Variants in SLC4A7 observed in about 807,000 individuals in gnomAD.
SLC4A7 encodes sodium bicarbonate cotransporter 3.
A neutral mutation model predicts 137.6 loss-of-function variants in SLC4A7; 51 were observed. The ratio of observed to expected loss-of-function variants is 0.37; its 90% CI spans 0.30 to 0.47. The LOEUF is 0.47. Ranked by LOEUF, SLC4A7 falls within the 20% of genes least tolerant of loss-of-function variation. The pLI, the probability that SLC4A7 is intolerant of heterozygous loss-of-function variation, is 1.00. For synonymous variants in SLC4A7, 542 were observed against 518.6 expected (o/e 1.05, Z -0.61); for missense variants, 1,247 against 1,525.4 (o/e 0.82, Z 3.04).
At chr3:27,469,180 G>T (rs1485330030) in intron 1 of SLC4A7, among the ~76,000 whole-genome samples, 1 of 152,030 alleles carries the variant, frequency 6.6e-6, no homozygotes. Context: ...TTTTTCCTGT[G>T]CTCTCACAAC....
At chr3:27,422,167 C>A (rs2150307481) in intron 8 of SLC4A7, among the ~76,000 whole-genome samples, 1 of 152,196 alleles carries the variant, frequency 6.6e-6, no homozygotes, top group African/African-American at 2.4e-5. Context: ...CTTAGAAAAC[C>A]TTTACATTTT....
chr3:27,465,767 G>A (rs1451359649), intron 1 of SLC4A7, among the ~76,000 whole-genome samples: 1 of 151,620 alleles, frequency 6.6e-6, no homozygotes, highest in Non-Finnish European at 1.5e-5. Context: ...AAACCACCCT[G>A]GCTAACACGG....
chr3:27,473,681 G>A (rs2059347073), intron 1 of SLC4A7, among the ~76,000 whole-genome samples: 1 of 139,408 alleles, frequency 7.2e-6, no homozygotes, highest in Admixed American at 7.9e-5. Flanking sequence ...ACTCCAGCCT[G>A]GGTGACAGAG....
intron 1 of SLC4A7, among the ~76,000 whole-genome samples, chr3:27,458,626 T>C (rs926446049): frequency 6.6e-6 from 1 of 152,166 alleles, no homozygotes; most frequent in Non-Finnish European, 1.5e-5. Flanking sequence ...ATAAGACATA[T>C]GTCAGTCAAT....
chr3:27,437,895 A>G (rs1229495520), intron 3 of SLC4A7, among the ~76,000 whole-genome samples: 1 of 152,216 alleles, frequency 6.6e-6, no homozygotes, highest in Non-Finnish European at 1.5e-5. Flanking sequence ...GTTAGAACAG[A>G]ACATTTAAAA....
At chr3:27,408,286 G>A (rs939551017) in intron 13 of SLC4A7, among the ~76,000 whole-genome samples, 3 of 152,144 alleles carry the variant, frequency 2.0e-5, no homozygotes, top group Non-Finnish European at 2.9e-5. Flanking sequence ...GACAGTCCAC[G>A]GACAAAGAGG....
intron 8 of SLC4A7, among the ~76,000 whole-genome samples, chr3:27,421,983 G>T (rs1447530837): frequency 6.6e-6 from 1 of 152,120 alleles, no homozygotes; most frequent in Non-Finnish European, 1.5e-5. Context: ...TTGAATCAAT[G>T]CTACTGTTTT....
chr3:27,425,946 A>C (rs1288099751), intron 7 of SLC4A7, among the ~76,000 whole-genome samples: 5 of 152,192 alleles, frequency 3.3e-5, no homozygotes, highest in African/African-American at 1.2e-4. Context: ...AGTTCAGTTA[A>C]AATCTGTTTT....
chr3:27,435,314 C>G (rs1237073249), intron 5 of SLC4A7, among the ~76,000 whole-genome samples: 1 of 152,106 alleles, frequency 6.6e-6, no homozygotes, highest in Non-Finnish European at 1.5e-5. Flanking sequence ...CTTTCTACCT[C>G]CACATTATCC....
intron 20 of SLC4A7, among the ~76,000 whole-genome samples, chr3:27,393,917 G>C (rs1416421548): frequency 6.6e-6 from 1 of 152,124 alleles, no homozygotes; most frequent in Non-Finnish European, 1.5e-5. Context: ...AAACTCTGTG[G>C]TCTCAAGACT....
chr3:27,414,178 G>T (rs567269342), intron 11 of SLC4A7, among the ~76,000 whole-genome samples: 5 of 152,310 alleles, frequency 3.3e-5, no homozygotes, highest in Non-Finnish European at 7.4e-5. Flanking sequence ...TACTCGGGAG[G>T]CTGAGGCAGG....
At chr3:27,403,623 A>G (rs1386983098) in intron 14 of SLC4A7, among the ~76,000 whole-genome samples, 4 of 151,946 alleles carry the variant, frequency 2.6e-5, no homozygotes, top group Non-Finnish European at 4.4e-5. Context: ...TTAATAGTTT[A>G]TTACACTTAT....
At chr3:27,399,569 G>C (rs962358973) in intron 16 of SLC4A7, among the ~76,000 whole-genome samples, 1 of 152,044 alleles carries the variant, frequency 6.6e-6, no homozygotes, top group Admixed American at 6.6e-5. Flanking sequence ...CAGTAAGTTA[G>C]CTACAGGCGC....
intron 9 of SLC4A7, 147 bp downstream of exon 9, chr3:27,421,475 G>A (rs2054973330): frequency 1.4e-6 from 1 of 709,344 alleles, no homozygotes; most frequent in Non-Finnish European, 2.2e-6. Flanking sequence ...CAGCCTGGAT[G>A]ACAAAGTGAG....
At chr3:27,468,716 C>T (rs1489849223) in intron 1 of SLC4A7, among the ~76,000 whole-genome samples, 1 of 151,840 alleles carries the variant, frequency 6.6e-6, no homozygotes, top group Non-Finnish European at 1.5e-5. Flanking sequence ...ATGGGGATAA[C>T]AATATTTATA....
rs1241227093 is a variant in SLC4A7 at position 27,433,998 on chromosome 3, TC to T, written c.695del (p.Arg232AsnfsTer15). Reference protein sequence around the residue: ...LKRHHHQNEKRFTSRIPLVRS... With the variant: ...LKRHHHQNEKXFTSRIPLVRS... Reference sequence around the variant, plus strand: ...GAACAAGAGGAATCCGACTGGTGAATCTTTTCTCATTCTGATGATGATGTCT... The same window carrying T: ...GAACAAGAGGAATCCGACTGGTGAATTTTTCTCATTCTGATGATGATGTCT... On this transcript the variant is annotated frameshift_variant, in exon 6 of 26. Coordinates refer to ENST00000454389, the MANE Select transcript of SLC4A7 (RefSeq NM_001321103.2). LOFTEE classifies it high-confidence loss of function. The T allele has an allele frequency of 6.2e-7, 1 of 1,613,822 alleles. No homozygotes were observed. Among genetic ancestry groups the T allele is most frequent in the Non-Finnish European group, 8.5e-7 (1 of 1,179,920 alleles).
intron 18 of SLC4A7, among the ~76,000 whole-genome samples, chr3:27,396,253 T>C (rs1360979379): frequency 6.6e-6 from 1 of 152,166 alleles, no homozygotes; most frequent in Non-Finnish European, 1.5e-5. Flanking sequence ...TGAACAAAAA[T>C]ATTTTATTCT....
Position 27,376,651 on chromosome 3 carries a change from A to G in SLC4A7, c.*113T>C, listed in dbSNP as rs948187191. On this transcript the variant is annotated 3_prime_UTR_variant, in exon 26 of 26. Transcript: ENST00000454389. Reference sequence around the variant, plus strand: ...CAAACTCCAGACACTACTTTTAAAAACCCGGTAGTCACACATAAACAGCAT... The same window carrying G: ...CAAACTCCAGACACTACTTTTAAAAGCCCGGTAGTCACACATAAACAGCAT... The G allele has an allele frequency of 1.6e-6, 1 of 608,600 alleles. No individual in the cohort carries two copies. Among genetic ancestry groups the G allele is most frequent in the African/African-American group, 1.9e-5 (1 of 52,066 alleles). The allele number at this position is 608,600 out of a possible 1,614,324, so 37.7% of individuals were successfully genotyped here.
intron 8 of SLC4A7, among the ~76,000 whole-genome samples, chr3:27,423,237 G>T (rs541900646): frequency 6.6e-6 from 1 of 152,104 alleles, no homozygotes; most frequent in East Asian, 1.9e-4. Flanking sequence ...AAAGGCTTAA[G>T]AAATGAAATC....
Sources: allele counts gnomAD v4.1 joint callset (sites outside exome capture counted in the v4.1 genomes callset), GRCh38; gene constraint gnomAD v4.1.1; transcripts MANE v1.5; gene names NCBI Gene and HGNC (gene_info 2026-07-23, HGNC 2026-07-21).